Variants in ABHD12 observed in about 807,000 individuals in gnomAD.
ABHD12 encodes abhydrolase domain containing 12, lysophospholipase, also known as lysophosphatidylserine lipase ABHD12.
ABHD12 carries 43 observed loss-of-function variants against 58.3 expected under a neutral mutation model. That is an observed-to-expected ratio of 0.74 (90% CI 0.58 to 0.95). ABHD12 has a LOEUF of 0.95. ABHD12 is among the 40% of genes least tolerant of loss of function. The pLI, the probability that ABHD12 is intolerant of heterozygous loss-of-function variation, is 0.00. For missense variants in ABHD12, 539 were observed against 537.2 expected (o/e 1.00, Z -0.03); for synonymous variants, 219 against 211.2 (o/e 1.04, Z -0.32).
intron 1 of ABHD12, among the ~76,000 whole-genome samples, chr20:25,343,421 A>T (rs116317906): frequency 0.021 from 3,200 of 152,314 alleles, 104 homozygotes; most frequent in African/African-American, 0.072. Context: ...GCCTAGTGGT[A>T]TGTGCCTGTG....
chr20:25,327,943 G>C lies in ABHD12; in HGVS notation c.317-4513C>G, dbSNP rs746728854. Among the ~76,000 whole-genome samples the C allele has an allele frequency of 2.0e-5, 3 of 152,086 alleles. No individual in the cohort carries two copies. The East Asian group carries it at 5.8e-4, about 29-fold the overall frequency. The stretch of plus-strand genomic sequence containing the variant: ...GCCCCCACCCAAGAACCGACTCAGC[G>C]CAAGAAGACAGCTTTGACTCCCTAT... On this transcript the variant is annotated intron_variant, in intron 2 of 12. Coordinates refer to ENST00000339157, the MANE Select transcript of ABHD12 (RefSeq NM_001042472.3).
At position 25,300,780 on chromosome 20, in the gene ABHD12, G is replaced by C; in HGVS notation, c.*65C>G. ...GGCCCCCCGGGGCTTCAGGATACCG[G>C]GCTGCTGACTGGAGGAAAACGGGAG... On this transcript the variant is annotated 3_prime_UTR_variant, in exon 13 of 13. Transcript: ENST00000339157. The C allele has an allele frequency of 6.2e-7, 1 of 1,613,198 alleles. No homozygotes were observed. The highest frequency in any genetic ancestry group is 8.5e-7 in the Non-Finnish European group (1 of 1,179,694).
Position 25,327,194 on chromosome 20 carries a change from C to T in ABHD12, c.317-3764G>A, listed in dbSNP as rs144458370. On this transcript the variant is annotated intron_variant, in intron 2 of 12. Transcript: ENST00000339157. ...TTATGAAACCCAAAGGGGTGCCAGG[C>T]GCGGTGGCGCATGCCTATAATCCCA... 5.2e-3 allele frequency among the ~76,000 whole-genome samples: 790 copies of T among 152,328 alleles called. 2 individuals carry two copies. The highest frequency in any genetic ancestry group is 0.017 in the Middle Eastern group (5 of 294).
At chr20:25,360,207 T>C (rs1453827461) in intron 1 of ABHD12, among the ~76,000 whole-genome samples, 1 of 144,296 alleles carries the variant, frequency 6.9e-6, no homozygotes, top group East Asian at 2.0e-4. Flanking sequence ...TGTGTTTAAA[T>C]TGCCACCTTG....
At chr20:25,339,682 C>A (rs1168001406) in intron 1 of ABHD12, 2 of 1,381,072 alleles carry the variant, frequency 1.4e-6, no homozygotes, top group East Asian at 8.5e-5. Flanking sequence ...TGACATCAGA[C>A]CCCAGCTGTA....
At chr20:25,368,850 G>A (rs1172555250) in intron 1 of ABHD12, 1 of 476,440 alleles carries the variant, frequency 2.1e-6, no homozygotes. Context: ...TCCTCAGACA[G>A]GCGCAGTGGC....
chr20:25,336,224 A>G (rs1369840417), intron 2 of ABHD12, among the ~76,000 whole-genome samples: 1 of 152,176 alleles, frequency 6.6e-6, no homozygotes, highest in East Asian at 1.9e-4. Flanking sequence ...ACATATAAAA[A>G]AGGTCAGTAG....
intron 1 of ABHD12, among the ~76,000 whole-genome samples, chr20:25,352,725 C>A (rs2089618017): frequency 6.6e-6 from 1 of 152,116 alleles, no homozygotes; most frequent in African/African-American, 2.4e-5. Flanking sequence ...AAAAAGATTT[C>A]TCAAAATTAA....
downstream of ABHD12, among the ~76,000 whole-genome samples, chr20:25,299,949 A>C (rs947905912): frequency 6.6e-6 from 1 of 152,186 alleles, no homozygotes; most frequent in Non-Finnish European, 1.5e-5. Context: ...AGGGTACCCC[A>C]GTGAAGGAGT....
chr20:25,311,484 G>A (rs746956847), intron 6 of ABHD12, among the ~76,000 whole-genome samples: 29 of 152,230 alleles, frequency 1.9e-4, no homozygotes, highest in Non-Finnish European at 2.6e-4. Flanking sequence ...GACGCTACAT[G>A]TGTGCTGGTT....
intron 1 of ABHD12, among the ~76,000 whole-genome samples, chr20:25,367,466 AATATGTTC>A (rs1206372918): frequency 1.3e-5 from 2 of 152,228 alleles, no homozygotes; most frequent in Non-Finnish European, 2.9e-5. Context: ...GTTCAGTGGT[AATATGTTC>A]ATATGTTCAT....
At chr20:25,366,231 C>A (rs2089819067) in intron 1 of ABHD12, among the ~76,000 whole-genome samples, 1 of 151,696 alleles carries the variant, frequency 6.6e-6, no homozygotes, top group African/African-American at 2.4e-5. Flanking sequence ...TTACATCATG[C>A]AAATTTTTTT....
intron 1 of ABHD12, among the ~76,000 whole-genome samples, chr20:25,349,534 G>C (rs1053527215): frequency 6.6e-6 from 1 of 152,156 alleles, no homozygotes; most frequent in Non-Finnish European, 1.5e-5. Flanking sequence ...ACAGATGAAT[G>C]GATACACATG....
chr20:25,296,049 T>A (rs2088537904), downstream of ABHD12, among the ~76,000 whole-genome samples: 1 of 152,146 alleles, frequency 6.6e-6, no homozygotes, highest in African/African-American at 2.4e-5. Flanking sequence ...CCTGGGCATG[T>A]CCCCTGGCAC....
At chr20:25,327,107 G>T (rs890588468) in intron 2 of ABHD12, among the ~76,000 whole-genome samples, 2 of 152,210 alleles carry the variant, frequency 1.3e-5, no homozygotes. Context: ...CCAGCAGGAA[G>T]AAGTTAGAGC....
At chr20:25,336,907 C>T (rs552066434) in intron 2 of ABHD12, among the ~76,000 whole-genome samples, 2 of 152,262 alleles carry the variant, frequency 1.3e-5, no homozygotes, top group African/African-American at 2.4e-5. Flanking sequence ...AATGTCCAAT[C>T]GCTGCTCCCA....
At chr20:25,303,321 G>A in intron 11 of ABHD12, 1 of 1,426,434 alleles carries the variant, frequency 7.0e-7, no homozygotes, top group South Asian at 1.4e-5. Context: ...GACAGCATCA[G>A]TGGGCCCCTG....
At chr20:25,385,874 G>A (rs1600890719) in intron 1 of ABHD12, among the ~76,000 whole-genome samples, 2 of 151,858 alleles carry the variant, frequency 1.3e-5, no homozygotes, top group Admixed American at 6.6e-5. Context: ...CAAGGCAGGC[G>A]GATCACGAGG....
chr20:25,334,730 GC>G (rs1297873870), intron 2 of ABHD12, among the ~76,000 whole-genome samples: 2 of 150,416 alleles, frequency 1.3e-5, no homozygotes, highest in Non-Finnish European at 3.0e-5. Context: ...AATAAATGGT[GC>G]TGGGAAAACT....
Sources: gnomAD v4.1 joint callset for allele counts (sites outside exome capture counted in the v4.1 genomes callset) on GRCh38, gnomAD v4.1.1 for gene constraint, MANE v1.5 for transcripts, NCBI Gene and HGNC (gene_info 2026-07-23, HGNC 2026-07-21) for gene names.